The following USP9X variants were observed in gnomAD, a reference collection of about 807,000 sequenced individuals.
USP9X encodes ubiquitin carboxyl-terminal hydrolase 9X.
USP9X carries 7 observed loss-of-function variants against 190.3 expected under a neutral mutation model. The observed-to-expected ratio is 0.04, with a 90% CI of 0.02 to 0.07. The LOEUF (loss-of-function observed/expected upper bound fraction) is 0.07. USP9X is among the 10% of genes least tolerant of loss of function. The pLI is 1.00. For missense variants in USP9X, 1,010 were observed against 1,916.9 expected, an observed-to-expected ratio of 0.53 and a Z score of 8.83; for synonymous variants, 645 against 659.5, an observed-to-expected ratio of 0.98 and a Z score of 0.34.
At chrX:41,183,504 AGG>A (rs1406610324) in intron 21 of USP9X, among the ~76,000 whole-genome samples, 10 of 111,718 alleles carry the variant, frequency 9.0e-5, no homozygotes, top group African/African-American at 3.3e-4. Flanking sequence ...GCTTGCTTTG[AGG>A]TGAATGTACA....
intron 29 of USP9X, among the ~76,000 whole-genome samples, chrX:41,198,248 A>G (rs992083104): frequency 8.9e-6 from 1 of 111,939 alleles, no homozygotes; most frequent in Non-Finnish European, 1.9e-5. Context: ...TATACACTTG[A>G]TTAAAGGAGC....
intron 32 of USP9X, among the ~76,000 whole-genome samples, chrX:41,208,037 GT>G (rs1266855607): frequency 9.6e-4 from 96 of 100,020 alleles, no homozygotes; most frequent in Admixed American, 1.6e-3. Flanking sequence ...CTTATACTGG[GT>G]TTTTTTTTTT....
chrX:41,228,796 C>T (rs1374883295), intron 41 of USP9X, among the ~76,000 whole-genome samples: 1 of 112,275 alleles, frequency 8.9e-6, no homozygotes, highest in African/African-American at 3.2e-5. Context: ...CTGTGTAACT[C>T]TGTGCCAATT....
chrX:41,131,605 C>A, intron 4 of USP9X, 69 bp downstream of exon 4: 1 of 982,617 alleles, frequency 1.0e-6, no homozygotes, highest in Non-Finnish European at 1.4e-6. Context: ...ATCCCAAAAG[C>A]GGATGAAGTG....
chrX:41,110,599 A>G (rs1257497098), intron 1 of USP9X, among the ~76,000 whole-genome samples: 1 of 111,727 alleles, frequency 9.0e-6, no homozygotes, highest in East Asian at 2.8e-4. Context: ...AATTGGGCTG[A>G]TAATAGGGTT....
Position 41,232,415 on chromosome X carries a change from C to T in USP9X, c.7556C>T (p.Thr2519Ile). ...QNNHVHGQPY[T>I]GPAAHHMNNP... ...AACCATGTGCATGGACAGCCATATA[C>T]AGGCCCAGCAGCACATCACATGAAC... Residue 2519 changes from threonine (T) to isoleucine (I), a missense_variant, in exon 45 of 45, where the codon ACA becomes ATA. Physicochemically the swap from Thr to Ile is moderately conservative, Grantham distance 89. Around this residue, in one of 11 missense-constraint regions of USP9X, gnomAD observed 48 missense variants for 60.4 expected, o/e 0.79. Transcript: ENST00000378308. 1.7e-6 allele frequency: 2 copies of T among 1,210,727 alleles called. No homozygotes were observed. Among genetic ancestry groups the T allele is most frequent in the Non-Finnish European group, 2.2e-6 (2 of 895,074 alleles).
At chrX:41,136,761 A>T in intron 5 of USP9X, 43 bp from the exon 6 acceptor site, 1 of 939,519 alleles carries the variant, frequency 1.1e-6, no homozygotes, top group Non-Finnish European at 1.5e-6. Flanking sequence ...TTGAAATTGC[A>T]GTGTTTTGAT....
intron 1 of USP9X, among the ~76,000 whole-genome samples, chrX:41,104,771 G>T (rs936006101): frequency 2.7e-5 from 3 of 111,034 alleles, no homozygotes; most frequent in Non-Finnish European, 5.7e-5. Flanking sequence ...AGTCTCTGGA[G>T]GTATTAGCCA....
intron 3 of USP9X, among the ~76,000 whole-genome samples, chrX:41,129,424 T>C (rs2062288022): frequency 8.9e-6 from 1 of 111,772 alleles, no homozygotes; most frequent in Non-Finnish European, 1.9e-5. Context: ...CTGGATGACT[T>C]TCATAATTTT....
At chrX:41,212,441 C>A in intron 33 of USP9X, among the ~76,000 whole-genome samples, 1 of 72,476 alleles carries the variant, frequency 1.4e-5, no homozygotes, top group Non-Finnish European at 2.6e-5. Context: ...CTGCAAGAAA[C>A]ACCCAAGAAT....
At chrX:41,194,114 A>C (rs1397628464) in intron 26 of USP9X, among the ~76,000 whole-genome samples, 2 of 111,971 alleles carry the variant, frequency 1.8e-5, no homozygotes, top group East Asian at 2.8e-4. Context: ...GTTCCCCCCA[A>C]ATTCTACCTC....
intron 17 of USP9X, 68 bp downstream of exon 17, chrX:41,167,645 G>T: frequency 1.3e-6 from 1 of 796,414 alleles, no homozygotes; most frequent in Non-Finnish European, 1.8e-6. Flanking sequence ...TTATACAAAA[G>T]AGAAAAAATA....
chrX:41,173,450 A>G (rs2062745472), intron 21 of USP9X, among the ~76,000 whole-genome samples: 1 of 112,185 alleles, frequency 8.9e-6, no homozygotes, highest in African/African-American at 3.2e-5. Flanking sequence ...TTTTTTGGAA[A>G]TACTTACAAT....
At chrX:41,088,800 A>C (rs1039719224) in intron 1 of USP9X, among the ~76,000 whole-genome samples, 1 of 109,273 alleles carries the variant, frequency 9.2e-6, no homozygotes, top group Admixed American at 9.7e-5. Flanking sequence ...ACCGGATTTT[A>C]GTTGTCATTT....
chrX:41,186,649 T>G lies in USP9X; in HGVS notation c.3684+7T>G, dbSNP rs1384240165. Reference sequence around the variant, plus strand: ...TCAGCAGATATCTGATGAGGTTAGTTTTATCAAGACTTCTGTCACAATTTT... The same window carrying G: ...TCAGCAGATATCTGATGAGGTTAGTGTTATCAAGACTTCTGTCACAATTTT... On this transcript the variant is annotated splice_region_variant and intron_variant, in intron 24 of 44. Coordinates refer to ENST00000378308, the MANE Select transcript of USP9X (RefSeq NM_001039591.3). 2 of 1,209,679 alleles carry G rather than the reference T, an allele frequency of 1.7e-6. No individual in the cohort carries two copies. Among genetic ancestry groups the G allele is most frequent in the East Asian group, 5.9e-5 (2 of 33,796 alleles).
At chrX:41,181,689 TC>T (rs1282235498) in intron 21 of USP9X, among the ~76,000 whole-genome samples, 1 of 109,369 alleles carries the variant, frequency 9.1e-6, no homozygotes, top group African/African-American at 3.3e-5. Flanking sequence ...CCTCAAGTGA[TC>T]CGCCCACCTC....
intron 1 of USP9X, among the ~76,000 whole-genome samples, chrX:41,102,166 A>G (rs2062038858): frequency 8.9e-6 from 1 of 112,110 alleles, no homozygotes; most frequent in South Asian, 3.6e-4. Context: ...CAAGGGTGTT[A>G]TTTTAAAAAA....
chrX:41,156,209 C>G (rs1295870908), intron 14 of USP9X, among the ~76,000 whole-genome samples: 1 of 111,993 alleles, frequency 8.9e-6, no homozygotes, highest in Non-Finnish European at 1.9e-5. Context: ...TCTATTAAAT[C>G]TGCAAAACAG....
Position 41,170,081 on chromosome X carries a change from C to T in USP9X, c.2723C>T (p.Thr908Ile). The T allele has an allele frequency of 8.3e-7, 1 of 1,211,377 alleles. No homozygotes were observed. The highest frequency in any genetic ancestry group is 1.1e-6 in the Non-Finnish European group (1 of 895,408). Residue 908 changes from threonine (T) to isoleucine (I), a missense_variant, in exon 19 of 45, where the codon ACA (threonine) becomes ATA (isoleucine). Thr to Ile is a moderately conservative substitution (Grantham distance 89). Transcript: ENST00000378308. ...GATGACTTGGAGGTATGGTCTCATACAAATGATACAATTGGTTCAGTACGA... is the reference window on the plus strand; with the variant it reads ...GATGACTTGGAGGTATGGTCTCATATAAATGATACAATTGGTTCAGTACGA... ...QVDDLEVWSH[T>I]NDTIGSVRRC...
Sources: allele counts gnomAD v4.1 joint callset (sites outside exome capture counted in the v4.1 genomes callset), GRCh38; gene constraint gnomAD v4.1.1; regional missense constraint gnomAD v4.1.1; transcripts MANE v1.5; gene names NCBI Gene and HGNC (gene_info 2026-07-23, HGNC 2026-07-21).